Variants in FN1 observed in about 807,000 individuals in gnomAD.
The protein encoded by FN1 is fibronectin.
FN1 carries 106 observed loss-of-function variants against 297.3 expected under a neutral mutation model. That is an observed-to-expected ratio of 0.36 (90% CI 0.30 to 0.42). The LOEUF (loss-of-function observed/expected upper bound fraction) is 0.42. FN1 is among the 10% of genes least tolerant of loss of function. The pLI, the probability that FN1 is intolerant of heterozygous loss-of-function variation, is 1.00. For synonymous variants in FN1, 1,149 were observed against 1,152.6 expected (o/e 1.00, Z 0.06); for missense variants, 2,690 against 3,124.9 (o/e 0.86, Z 3.32).
At chr2:215,383,556 T>G in intron 30 of FN1, 73 bp from the exon 31 acceptor site, 21 of 1,442,574 alleles carry the variant, frequency 1.5e-5, no homozygotes, top group Non-Finnish European at 2.0e-5. Context: ...TCCTCCTCTC[T>G]AGGTCTGGTA....
Position 215,386,973 on chromosome 2 carries a change from C to T in FN1, c.4343-15G>A. 1.9e-6 allele frequency: 3 copies of T among 1,603,902 alleles called. No individual in the cohort carries two copies. The highest frequency in any genetic ancestry group is 2.6e-6 in the Non-Finnish European group (3 of 1,175,492). ...GGAATCAAGACCTGTTTTTCCCACC[C>T]GGGGGAGGAAGAGAAAAAAAAAAGA... On this transcript the variant is annotated splice_polypyrimidine_tract_variant and intron_variant, in intron 27 of 45. Coordinates refer to ENST00000354785, the MANE Select transcript of FN1 (RefSeq NM_212482.4).
chr2:215,431,930 A>G lies in FN1; in HGVS notation c.450T>C (p.Ile150=). The G allele has an allele frequency of 6.2e-7, 1 of 1,614,208 alleles. No individual in the cohort carries two copies. The highest frequency in any genetic ancestry group is 8.5e-7 in the Non-Finnish European group (1 of 1,180,028). The change falls in exon 4 of 46, where the codon ATT becomes ATC. Residue 150 remains isoleucine (I), a synonymous_variant. Transcript: ENST00000354785. ...RCHEGGQSYK[I]GDTWRRPHET... ...CATGTGGTCTCCTCCAGGTGTCACC[A>G]ATCTTGTAGGACTGACCCCCTTCAT...
chr2:215,412,171 G>T (rs866265953), intron 13 of FN1, among the ~76,000 whole-genome samples: 135 of 146,338 alleles, frequency 9.2e-4, no homozygotes, highest in Middle Eastern at 3.5e-3. Context: ...TAGGGTGAAA[G>T]AAGAAAAAGA....
At chr2:215,384,807 C>G in intron 29 of FN1, 53 bp downstream of exon 29, 1 of 1,242,164 alleles carries the variant, frequency 8.1e-7, no homozygotes, top group Non-Finnish European at 1.2e-6. Flanking sequence ...TTCAGGTTAT[C>G]CACAACAGAA....
At chr2:215,400,337 G>C (rs780478657) in intron 20 of FN1, among the ~76,000 whole-genome samples, 1 of 152,094 alleles carries the variant, frequency 6.6e-6, no homozygotes, top group Non-Finnish European at 1.5e-5. Flanking sequence ...CTTTAAATAC[G>C]TGATTATTCT....
rs149278155 is a variant in FN1 at position 215,384,935 on chromosome 2, G to C, written c.4654C>G (p.Pro1552Ala). 1 of 1,613,942 alleles carries C rather than the reference G, an allele frequency of 6.2e-7. No individual in the cohort carries two copies. The highest frequency in any genetic ancestry group is 1.7e-5 in the Admixed American group (1 of 59,992). The change falls in exon 29 of 46, where the codon CCC becomes GCC. Residue 1552 changes from proline to alanine, a missense_variant. This residue lies in a region of FN1 where 1,743 missense variants were observed against 1,945.2 expected (regional missense o/e 0.90). Transcript: ENST00000354785. Reference sequence around the variant, plus strand: ...TCCCAGCTGATCAGTAGGCTGGTGGGGGTCGCAGCAACAACTTCCAGGTCC... The same window carrying C: ...TCCCAGCTGATCAGTAGGCTGGTGGCGGTCGCAGCAACAACTTCCAGGTCC... ...PRDLEVVAAT[P>A]TSLLISWDAP... is the part of the protein sequence containing the mutation.
chr2:215,428,167 T>A lies in FN1; in HGVS notation c.844+13A>T. On this transcript the variant is annotated intron_variant, in intron 6 of 45. Coordinates refer to ENST00000354785, the MANE Select transcript of FN1 (RefSeq NM_212482.4). ...CTTCCCCATTTCCCGCCCCTGCTCG[T>A]CCTGTGCCTCACCGCTCGATGTGGT... 1 of 1,613,798 alleles carries A rather than the reference T, an allele frequency of 6.2e-7. No homozygotes were observed. The highest frequency in any genetic ancestry group is 8.5e-7 in the Non-Finnish European group (1 of 1,180,010).
rs114523318 is a variant in FN1, at chr2:215,424,261, A to G, written c.1101T>C (p.Asn367=). The change falls in exon 8 of 46, where the codon AAT becomes AAC. Residue 367 remains asparagine, a synonymous_variant. Coordinates refer to ENST00000354785, the MANE Select transcript of FN1 (RefSeq NM_212482.4). ...TGGTGCAGGAGTAGAACGTCCTGCC[A>G]TTGTAGGTGAATGGTAAGACACATG... ...GEPCVLPFTY[N]GRTFYSCTTE... 5,665 of 1,613,996 alleles carry G rather than the reference A, an allele frequency of 3.5e-3. 160 individuals are homozygous for G. In the African/African-American group the frequency reaches 0.062, roughly 18 times the overall value.
rs764308237 is a variant in FN1, at chr2:215,380,870, C to G, written c.5375G>C (p.Ser1792Thr). ...CATATCATCGTGCAAGGCAACCACA[C>G]TGACTGTGTACTCAGAACCCGGTCT... Reference protein sequence around the residue: ...GLRPGSEYTVSVVALHDDMES... With the variant: ...GLRPGSEYTVTVVALHDDMES... The change falls in exon 33 of 46, where the codon AGT becomes ACT. Residue 1792 changes from serine to threonine, a missense_variant. This residue lies in a region of FN1 where 1,743 missense variants were observed against 1,945.2 expected (regional missense o/e 0.90). Coordinates refer to ENST00000354785, the MANE Select transcript of FN1 (RefSeq NM_212482.4). 1 of 1,614,148 alleles carries G rather than the reference C, an allele frequency of 6.2e-7. No individual in the cohort carries two copies.
At chr2:215,417,959 C>T (rs150391920) in intron 12 of FN1, among the ~76,000 whole-genome samples, 196 of 152,214 alleles carry the variant, frequency 1.3e-3, no homozygotes, top group African/African-American at 4.5e-3. Flanking sequence ...ATATAGAAAC[C>T]ACAGAGCATT....
intron 27 of FN1, among the ~76,000 whole-genome samples, chr2:215,387,750 AAATT>A (rs1311269927): frequency 9.2e-5 from 14 of 152,216 alleles, no homozygotes; most frequent in African/African-American, 3.4e-4. Context: ...TTGAAAGAAA[AAATT>A]AAAAGCATTC....
intron 13 of FN1, 152 bp from the exon 14 acceptor site, chr2:215,410,266 C>G (rs1284868905): frequency 1.3e-6 from 1 of 756,888 alleles, no homozygotes; most frequent in East Asian, 2.7e-5. Context: ...AACTGGATTC[C>G]CAATGGTTAT....
rs2057112282 is a variant in FN1, at chr2:215,375,497, A to C, written c.5978-104T>G. ...CTAAACACACTTAAAAGAATCTGAGAATACTGTAAACCGGAAACAAGATTC... is the reference window on the plus strand; with the variant it reads ...CTAAACACACTTAAAAGAATCTGAGCATACTGTAAACCGGAAACAAGATTC... On this transcript the variant is annotated intron_variant, in intron 37 of 45. Transcript: ENST00000354785. 31 of 1,284,690 alleles carry C rather than the reference A, an allele frequency of 2.4e-5. No individual in the cohort carries two copies. In the Admixed American group the frequency reaches 6.0e-4, roughly 25 times the overall value. The allele number at this position is 1,284,690 out of a possible 1,614,324, so 79.6% of individuals were successfully genotyped here. A position where few individuals can be genotyped will look rare whatever the true frequency, so the allele number is the denominator to read the frequency against.
intron 4 of FN1, 91 bp downstream of exon 4, chr2:215,431,742 C>T (rs988369300): frequency 1.6e-6 from 2 of 1,282,822 alleles, no homozygotes; most frequent in Admixed American, 1.7e-5. Context: ...CACTGGAATT[C>T]AGGTCTATGA....
At chr2:215,406,551 G>C (rs1307906166) in intron 18 of FN1, 41 bp from the exon 19 acceptor site, 2 of 1,604,012 alleles carry the variant, frequency 1.2e-6, no homozygotes, top group Non-Finnish European at 1.7e-6. Context: ...ATTCTCTGCT[G>C]AAGATTACTT....
intron 35 of FN1, among the ~76,000 whole-genome samples, chr2:215,377,835 T>G (rs1293749097): frequency 6.6e-6 from 1 of 152,208 alleles, no homozygotes. Flanking sequence ...ATGAAGTGAT[T>G]CCATTTTATG....
intron 19 of FN1, among the ~76,000 whole-genome samples, chr2:215,405,421 G>A (rs1178968772): frequency 6.6e-6 from 1 of 152,172 alleles, no homozygotes; most frequent in African/African-American, 2.4e-5. Flanking sequence ...TAAAGCCTCA[G>A]TTTCTTTAAG....
rs1444321735 is a variant in FN1, at chr2:215,426,274, G to A, written c.845-989C>T. Among the ~76,000 whole-genome samples, 26 of 143,078 alleles carry A rather than the reference G, an allele frequency of 1.8e-4. 1 individual carries two copies. Among genetic ancestry groups the A allele is most frequent in the Middle Eastern group, 7.5e-3 (2 of 268 alleles). The allele number at this position is 143,078 out of a possible 152,430, so 93.9% of individuals were successfully genotyped here. On this transcript the variant is annotated intron_variant, in intron 6 of 45. Coordinates refer to ENST00000354785, the MANE Select transcript of FN1 (RefSeq NM_212482.4). ...CGCCATTCTCCTGCCTCAGCCTCCC[G>A]AGTAGCTGGGACTACAGGCACCCGC... is the stretch of plus-strand genomic sequence containing the variant.
At chr2:215,385,707 TAAG>T (rs2058864965) in intron 28 of FN1, among the ~76,000 whole-genome samples, 1 of 151,832 alleles carries the variant, frequency 6.6e-6, no homozygotes. Context: ...CTCTATCTGC[TAAG>T]AACAATGACA....
Sources: allele counts gnomAD v4.1 joint callset (sites outside exome capture counted in the v4.1 genomes callset), GRCh38; gene constraint gnomAD v4.1.1; regional missense constraint gnomAD v4.1.1; transcripts MANE v1.5; gene names NCBI Gene and HGNC (gene_info 2026-07-23, HGNC 2026-07-21).